DYNC2I1: variants seen among roughly 807,000 people sequenced by gnomAD.
DYNC2I1 encodes dynein 2 intermediate chain 1, also known as cytoplasmic dynein 2 intermediate chain 1.
In DYNC2I1, 89 loss-of-function variants were observed where a neutral mutation model predicts 133.4. The ratio of observed to expected loss-of-function variants is 0.67; its 90% CI spans 0.56 to 0.80. The LOEUF (loss-of-function observed/expected upper bound fraction) is 0.80, where lower values mean the gene tolerates loss of function less well. Ranked by LOEUF, DYNC2I1 falls within the 30% of genes least tolerant of loss-of-function variation. The pLI, the probability that DYNC2I1 is intolerant of heterozygous loss-of-function variation, is 0.00. For missense variants in DYNC2I1, 1,291 were observed against 1,314.5 expected, an observed-to-expected ratio of 0.98 and a Z score of 0.28; for synonymous variants, 504 against 484.3, an observed-to-expected ratio of 1.04 and a Z score of -0.54.
In DYNC2I1 at chr7:158,945,178, C is replaced by T. The variant is rs532949518; in HGVS notation, c.3003-403C>T. Among the ~76,000 whole-genome samples, 377 of 152,114 alleles carry T rather than the reference C, an allele frequency of 2.5e-3. 2 individuals are homozygous for T. Among genetic ancestry groups the T allele is most frequent in the African/African-American group, 8.7e-3 (360 of 41,516 alleles). ...GGGGTCCGGGGCTCCAGGGTGAGTCCGGGCTGGAGACGCAGACTTGTGAGT... is the reference window on the plus strand; with the variant it reads ...GGGGTCCGGGGCTCCAGGGTGAGTCTGGGCTGGAGACGCAGACTTGTGAGT... On this transcript the variant is annotated intron_variant, in intron 24 of 24. Transcript: ENST00000407559. The surrounding 1 kb of genome is among the most constrained non-coding windows in gnomAD (Gnocchi z 4.1).
rs528452983 is a variant in DYNC2I1 at position 158,871,188 on chromosome 7, A to G, written c.116A>G (p.Lys39Arg). The change falls in exon 3 of 25, where the codon AAG becomes AGG. Residue 39 changes from lysine (K) to arginine (R), a missense_variant. Coordinates refer to ENST00000407559, the MANE Select transcript of DYNC2I1 (RefSeq NM_018051.5). ...GSKEERKHRE[K>R]KLRKESEMDL... ...AAGGAAGAAAGAAAGCACAGAGAGA[A>G]GAAGCTGCGTAAGGAGTCTGAGATG... 2 of 1,613,724 alleles carry G rather than the reference A, an allele frequency of 1.2e-6. No homozygotes were observed. The highest frequency in any genetic ancestry group is 1.1e-5 in the South Asian group (1 of 91,072).
intron 2 of DYNC2I1, among the ~76,000 whole-genome samples, chr7:158,870,516 C>CTAATTTTG: frequency 6.8e-6 from 1 of 147,780 alleles, no homozygotes; most frequent in South Asian, 2.2e-4. Context: ...ACCAGGCTTG[C>CTAATTTTG]TAATTTTTTA....
chr7:158,913,110 C>A lies in DYNC2I1; in HGVS notation c.1702+14C>A. On this transcript the variant is annotated intron_variant, in intron 13 of 24. Transcript: ENST00000407559. Reference sequence around the variant, plus strand: ...TTGTATCTGGAGGTAACATCTTGCTCTTGAGTGTTGACCATTGACTCTCTT... The same window carrying A: ...TTGTATCTGGAGGTAACATCTTGCTATTGAGTGTTGACCATTGACTCTCTT... 1 of 1,577,218 alleles carries A rather than the reference C, an allele frequency of 6.3e-7. No individual in the cohort carries two copies. Among genetic ancestry groups the A allele is most frequent in the South Asian group, 1.1e-5 (1 of 88,332 alleles).
intron 23 of DYNC2I1, among the ~76,000 whole-genome samples, chr7:158,936,206 A>G (rs749907038): frequency 6.6e-6 from 1 of 152,158 alleles, no homozygotes; most frequent in Non-Finnish European, 1.5e-5. Flanking sequence ...AAAAACAAAA[A>G]AAGTCTCATT....
At chr7:158,928,529 A>G (rs1419372371) in intron 20 of DYNC2I1, among the ~76,000 whole-genome samples, 1 of 152,168 alleles carries the variant, frequency 6.6e-6, no homozygotes, top group Non-Finnish European at 1.5e-5. Flanking sequence ...GACTTCAGTA[A>G]AAATAAGACA....
intron 20 of DYNC2I1, among the ~76,000 whole-genome samples, chr7:158,929,193 G>A (rs905570102): frequency 6.6e-6 from 1 of 152,208 alleles, no homozygotes; most frequent in Non-Finnish European, 1.5e-5. Context: ...GTGGCTGCCA[G>A]CTCTTTGTGT....
intron 16 of DYNC2I1, 149 bp from the exon 17 acceptor site, chr7:158,923,422 G>C: frequency 4.0e-6 from 4 of 1,011,044 alleles, no homozygotes; most frequent in Non-Finnish European, 6.0e-6. Context: ...TTATTTCTGT[G>C]CAGGAGTCTA....
chr7:158,884,259 C>T (rs566457439), intron 5 of DYNC2I1, among the ~76,000 whole-genome samples: 7 of 149,598 alleles, frequency 4.7e-5, no homozygotes, highest in African/African-American at 1.5e-4. Context: ...TGGTCAGGCT[C>T]GTCTATAACT....
intron 7 of DYNC2I1, 98 bp from the exon 8 acceptor site, chr7:158,891,167 G>A (rs1294088224): frequency 7.5e-7 from 1 of 1,332,532 alleles, no homozygotes; most frequent in Admixed American, 1.7e-5. Context: ...GCTGAGGGCT[G>A]GCGGGCTCCG....
chr7:158,916,145 G>C (rs6977625), intron 14 of DYNC2I1, among the ~76,000 whole-genome samples: 30 of 54,910 alleles, frequency 5.5e-4, no homozygotes, highest in Middle Eastern at 0.012. Context: ...CGTCGACATG[G>C]TGGTTGACAT....
intron 6 of DYNC2I1, among the ~76,000 whole-genome samples, chr7:158,885,909 G>T (rs1462805934): frequency 2.0e-5 from 3 of 151,864 alleles, no homozygotes; most frequent in Non-Finnish European, 4.4e-5. Context: ...TTTAAAAATT[G>T]AGAATCAGTT....
rs1848713943 is a variant in DYNC2I1 at position 158,918,626 on chromosome 7, C to G, written c.1792-114C>G. 7.3e-6 allele frequency: 9 copies of G among 1,224,808 alleles called. No individual in the cohort carries two copies. The South Asian group carries it at 1.1e-4, about 15-fold the overall frequency. 75.9% of individuals were successfully genotyped at this position (1,224,808 alleles called of 1,614,324 possible). A position where few individuals can be genotyped will look rare whatever the true frequency, so the allele number is the denominator to read the frequency against. On this transcript the variant is annotated intron_variant, in intron 14 of 24. Coordinates refer to ENST00000407559, the MANE Select transcript of DYNC2I1 (RefSeq NM_018051.5). ...GTTTTTCTTGTAGTTATGATAGCGTCATGGATCTAAGCAGTTATTTGCAGA... is the reference window on the plus strand; with the variant it reads ...GTTTTTCTTGTAGTTATGATAGCGTGATGGATCTAAGCAGTTATTTGCAGA...
chr7:158,949,093 A>C (rs1851973561), downstream of DYNC2I1, among the ~76,000 whole-genome samples: 1 of 152,064 alleles, frequency 6.6e-6, no homozygotes, highest in Non-Finnish European at 1.5e-5. Context: ...AGTTCCTCCA[A>C]GCAGTGGGTG....
At position 158,907,409 on chromosome 7, in the gene DYNC2I1, A is replaced by G. The variant is rs79276872; in HGVS notation, c.1460+1318A>G. Among the ~76,000 whole-genome samples, 21 of 152,066 alleles carry G rather than the reference A, an allele frequency of 1.4e-4. No homozygotes were observed. The East Asian group carries it at 4.1e-3, about 29-fold the overall frequency. ...TAGACTCATATAAATATGAGATAAA[A>G]TTATATTTTGAAAAACAAGAAACTG... is the stretch of plus-strand genomic sequence containing the variant. On this transcript the variant is annotated intron_variant, in intron 11 of 24. Coordinates refer to ENST00000407559, the MANE Select transcript of DYNC2I1 (RefSeq NM_018051.5).
intron 15 of DYNC2I1, among the ~76,000 whole-genome samples, chr7:158,921,590 G>A (rs1286784753): frequency 1.3e-5 from 2 of 152,128 alleles, no homozygotes; most frequent in African/African-American, 4.8e-5. Context: ...AGCTATGAGC[G>A]ATTGTGACGA....
chr7:158,848,072 T>G, the DYNC2I1 span, among the ~76,000 whole-genome samples: 1 of 152,228 alleles, frequency 6.6e-6, no homozygotes, highest in Admixed American at 6.5e-5. Flanking sequence ...ATTGGGTTGA[T>G]GTAGGACCCA....
intron 9 of DYNC2I1, among the ~76,000 whole-genome samples, chr7:158,902,077 A>G (rs1248977054): frequency 1.3e-5 from 2 of 152,254 alleles, no homozygotes; most frequent in Non-Finnish European, 2.9e-5. Flanking sequence ...ATACATAGGT[A>G]TCTATAAAAA....
upstream of DYNC2I1, among the ~76,000 whole-genome samples, chr7:158,855,771 G>A (rs919159802): frequency 2.6e-5 from 4 of 152,132 alleles, no homozygotes; most frequent in African/African-American, 9.7e-5. Context: ...CCCTTTGGCT[G>A]AAGGAGTTCG....
At chr7:158,848,021 T>TA in the DYNC2I1 span, among the ~76,000 whole-genome samples, 1 of 152,176 alleles carries the variant, frequency 6.6e-6, no homozygotes, top group Admixed American at 6.5e-5. Flanking sequence ...TAAAGACAGA[T>TA]ATGGACAGTA....
Sources: gnomAD v4.1 joint callset for allele counts (sites outside exome capture counted in the v4.1 genomes callset) on GRCh38, gnomAD v4.1.1 for gene constraint, Gnocchi (gnomAD v3.1) non-coding constraint, MANE v1.5 for transcripts, NCBI Gene and HGNC (gene_info 2026-07-23, HGNC 2026-07-21) for gene names.